Variants in TBX4 observed in about 807,000 individuals in gnomAD.
TBX4 encodes the protein T-box transcription factor TBX4.
TBX4 carries 13 observed loss-of-function variants against 54.6 expected under a neutral mutation model. That is an observed-to-expected ratio of 0.24 (90% CI 0.15 to 0.38). The LOEUF (loss-of-function observed/expected upper bound fraction) is 0.38. TBX4 is among the 10% of genes least tolerant of loss of function. The pLI is 1.00. For synonymous variants in TBX4, 314 were observed against 306.7 expected (o/e 1.02, Z -0.25); for missense variants, 631 against 728.5 (o/e 0.87, Z 1.54).
intron 1 of TBX4, among the ~76,000 whole-genome samples, chr17:61,455,420 G>A (rs2060440030): frequency 1.3e-5 from 2 of 152,262 alleles, no homozygotes; most frequent in Non-Finnish European, 2.9e-5. Flanking sequence ...GAGCAGGGAG[G>A]TGGAAAGGGG....
intron 1 of TBX4, chr17:61,453,103 C>A: frequency 1.5e-6 from 1 of 678,234 alleles, no homozygotes; most frequent in Non-Finnish European, 1.8e-6. Flanking sequence ...GGAATGTGAA[C>A]AATTACCAAA....
chr17:61,457,641 G>A lies in TBX4; in HGVS notation c.281+10G>A. 6.2e-7 allele frequency: 1 copy of A among 1,613,430 alleles called. No homozygotes were observed. Among genetic ancestry groups the A allele is most frequent in the Non-Finnish European group, 8.5e-7 (1 of 1,179,564 alleles). ...TCACTAAGGCTGGCAGGTCAGCGCT[G>A]GGAGATTTACTTCCGGGGATGGCGG... On this transcript the variant is annotated intron_variant, in intron 3 of 8. Coordinates refer to ENST00000644296, the MANE Select transcript of TBX4 (RefSeq NM_001321120.2). The surrounding 1 kb of genome is among the most constrained non-coding windows in gnomAD (Gnocchi z 8.2).
At position 61,483,815 on chromosome 17, in the gene TBX4, G is replaced by A. The variant is rs568457409; in HGVS notation, c.*299G>A. 1 of 423,348 alleles carries A rather than the reference G, an allele frequency of 2.4e-6. No homozygotes were observed. Among genetic ancestry groups the A allele is most frequent in the African/African-American group, 2.0e-5 (1 of 49,318 alleles). 26.2% of individuals were successfully genotyped at this position (423,348 alleles called of 1,614,324 possible). On this transcript the variant is annotated 3_prime_UTR_variant, in exon 9 of 9. Transcript: ENST00000644296. This position sits in a 1 kb window ranked among gnomAD's most constrained non-coding sequence, Gnocchi z 6.6. ...TCTTGACATGCCCGTGGGTGGGATG[G>A]GAGTGGAGGGTTCATATGAGTTATT... is the stretch of plus-strand genomic sequence containing the variant.
rs566824609 is a variant in TBX4 at position 61,457,323 on chromosome 17, G to A, written c.187-214G>A. Among the ~76,000 whole-genome samples the A allele has an allele frequency of 3.9e-4, 60 of 152,318 alleles. No homozygotes were observed. The highest frequency in any genetic ancestry group is 4.1e-4 in the South Asian group (2 of 4,820). ...ATGTGTGTCCTCTGAGGGTTCCTCC[G>A]TAGGTGCAGCTTTAAAGGAGGAAGT... On this transcript the variant is annotated intron_variant, in intron 2 of 8. Transcript: ENST00000644296. The surrounding 1 kb of genome is among the most constrained non-coding windows in gnomAD (Gnocchi z 8.2).
intron 4 of TBX4, among the ~76,000 whole-genome samples, chr17:61,466,360 G>A (rs943999500): frequency 5.3e-5 from 8 of 152,160 alleles, no homozygotes; most frequent in African/African-American, 1.9e-4. Flanking sequence ...CTGTGTGGGG[G>A]CACTCGCCTG....
chr17:61,463,365 GGCT>G (rs1365325560), intron 3 of TBX4: 1 of 152,404 alleles, frequency 6.6e-6, no homozygotes, highest in African/African-American at 2.4e-5. Flanking sequence ...GGGGAGGCGA[GGCT>G]GGGAGGTACT....
At position 61,457,273 on chromosome 17, in the gene TBX4, TGTC is replaced by T. The variant is rs200511481; in HGVS notation, c.187-260_187-258del. On this transcript the variant is annotated intron_variant, in intron 2 of 8. Coordinates refer to ENST00000644296, the MANE Select transcript of TBX4 (RefSeq NM_001321120.2). The surrounding 1 kb of genome is among the most constrained non-coding windows in gnomAD (Gnocchi z 8.2). Reference sequence around the variant, plus strand: ...AGAAATGTTCATGAGTGAGCAGGAGTGTCGTCTAACCTGCGCTGGCCACTATGT... The same window carrying T: ...AGAAATGTTCATGAGTGAGCAGGAGTGTCTAACCTGCGCTGGCCACTATGT... Among the ~76,000 whole-genome samples, 2,337 of 152,076 alleles carry T rather than the reference TGTC, an allele frequency of 0.015. 23 individuals are homozygous for T. The highest frequency in any genetic ancestry group is 0.11 in the Middle Eastern group (33 of 294).
At chr17:61,473,610 A>AC (rs1245690780) in intron 5 of TBX4, among the ~76,000 whole-genome samples, 3 of 151,850 alleles carry the variant, frequency 2.0e-5, no homozygotes, top group Non-Finnish European at 2.9e-5. Flanking sequence ...ATCAGGTCCC[A>AC]CCCTCCCCAG....
Position 61,472,242 on chromosome 17 carries a change from C to A in TBX4, c.549+4585C>A, listed in dbSNP as rs72834688. On this transcript the variant is annotated intron_variant, in intron 5 of 8. Transcript: ENST00000644296. The surrounding 1 kb of genome is among the most constrained non-coding windows in gnomAD (Gnocchi z 4.5). Reference sequence around the variant, plus strand: ...GGATTTGTAACTTTGAAAATATCACCAAATTCCCCTCCATGGGAGCTGTAC... The same window carrying A: ...GGATTTGTAACTTTGAAAATATCACAAAATTCCCCTCCATGGGAGCTGTAC... Among the ~76,000 whole-genome samples the A allele has an allele frequency of 0.018, 2,774 of 152,238 alleles. 35 individuals are homozygous for A. Among genetic ancestry groups the A allele is most frequent in the Non-Finnish European group, 0.03 (2,068 of 68,014 alleles).
At chr17:61,467,740 A>C in intron 5 of TBX4, 83 bp downstream of exon 5, 1 of 1,558,986 alleles carries the variant, frequency 6.4e-7, no homozygotes, top group South Asian at 1.1e-5. Context: ...GGATAGGGAG[A>C]ATCCACTCCG....
chr17:61,473,454 G>A (rs2060595451), intron 5 of TBX4, among the ~76,000 whole-genome samples: 1 of 152,244 alleles, frequency 6.6e-6, no homozygotes. Context: ...AGACAGCAAA[G>A]CCACTTCCCC....
At chr17:61,482,348 G>A (rs1302670799) in intron 8 of TBX4, among the ~76,000 whole-genome samples, 1 of 152,220 alleles carries the variant, frequency 6.6e-6, no homozygotes, top group Non-Finnish European at 1.5e-5. Flanking sequence ...AAATCTGATG[G>A]TTCTTCTTTA....
At chr17:61,471,710 G>A (rs9892832) in intron 5 of TBX4, among the ~76,000 whole-genome samples, 3,132 of 151,980 alleles carry the variant, frequency 0.021, 107 homozygotes, top group African/African-American at 0.071. Flanking sequence ...CCCTTTTGCA[G>A]CTGCACAGAA....
chr17:61,454,539 GA>G (rs753130371), intron 1 of TBX4, among the ~76,000 whole-genome samples: 28 of 152,214 alleles, frequency 1.8e-4, no homozygotes, highest in Non-Finnish European at 3.2e-4. Context: ...GCCGGGCGTG[GA>G]AAAAAGGAAA....
At chr17:61,473,392 G>A (rs551893478) in intron 5 of TBX4, among the ~76,000 whole-genome samples, 11 of 152,358 alleles carry the variant, frequency 7.2e-5, no homozygotes, top group African/African-American at 2.4e-4. Flanking sequence ...GCAAGCCAGC[G>A]GGTGCTGGTG....
chr17:61,483,302 A>G lies in TBX4; in HGVS notation c.1427A>G (p.Asn476Ser). 1 of 1,612,968 alleles carries G rather than the reference A, an allele frequency of 6.2e-7. No individual in the cohort carries two copies. The highest frequency in any genetic ancestry group is 8.5e-7 in the Non-Finnish European group (1 of 1,179,048). Reference protein sequence around the residue: ...PPGNAHFSVYNQLSQSQVRER... With the variant: ...PPGNAHFSVYSQLSQSQVRER... The stretch of plus-strand genomic sequence containing the variant: ...GGAAATGCCCACTTTAGTGTCTACA[A>G]TCAGCTCTCCCAGTCTCAGGTCCGA... The change falls in exon 9 of 9, where the codon AAT (asparagine) becomes AGT (serine). Residue 476 changes from asparagine (N) to serine (S), a missense_variant. Physicochemically the swap from Asn to Ser is conservative, Grantham distance 46. This residue lies in a region of TBX4 where 354 missense variants were observed against 368.9 expected (regional missense o/e 0.96). Transcript: ENST00000644296. The surrounding 1 kb of genome is among the most constrained non-coding windows in gnomAD (Gnocchi z 6.6).
At chr17:61,477,138 G>A (rs1009054529) in intron 5 of TBX4, among the ~76,000 whole-genome samples, 1 of 152,238 alleles carries the variant, frequency 6.6e-6, no homozygotes, top group Non-Finnish European at 1.5e-5. Context: ...GCTCAGAGGG[G>A]AAGGGGACCC....
rs534252758 is a variant in TBX4 at position 61,478,859 on chromosome 17, G to A, written c.702+80G>A. On this transcript the variant is annotated intron_variant, in intron 6 of 8. Transcript: ENST00000644296. The surrounding 1 kb of genome is among the most constrained non-coding windows in gnomAD (Gnocchi z 7.4). Reference sequence around the variant, plus strand: ...CTTCCACCAGGCAGAGAGGCAGAGTGTGAAGCCAGAGTCCCAGCAGGGCTT... The same window carrying A: ...CTTCCACCAGGCAGAGAGGCAGAGTATGAAGCCAGAGTCCCAGCAGGGCTT... 6.2e-7 allele frequency: 1 copy of A among 1,609,988 alleles called. No homozygotes were observed. Among genetic ancestry groups the A allele is most frequent in the East Asian group, 2.2e-5 (1 of 44,842 alleles).
chr17:61,480,172 C>T lies in TBX4; in HGVS notation c.874C>T (p.Pro292Ser), dbSNP rs2060653564. Residue 292 changes from proline (P) to serine (S), a missense_variant, in exon 8 of 9, where the codon CCC (proline) becomes TCC (serine). Pro to Ser is a moderately conservative substitution (Grantham distance 74, BLOSUM62 -1). Transcript: ENST00000644296. The surrounding 1 kb of genome is among the most constrained non-coding windows in gnomAD (Gnocchi z 6.2). ...PQLSATPDVGPLLGTHQALQH... is the reference protein window; with the variant it reads ...PQLSATPDVGSLLGTHQALQH... ...GCTCTCAGCCACACCGGACGTGGGC[C>T]CCCTGCTCGGCACCCACCAGGCACT... The T allele has an allele frequency of 1.9e-6, 3 of 1,614,134 alleles. No homozygotes were observed. The highest frequency in any genetic ancestry group is 1.6e-4 in the Middle Eastern group (1 of 6,062).
Sources: gnomAD v4.1 joint callset for allele counts (sites outside exome capture counted in the v4.1 genomes callset) on GRCh38, gnomAD v4.1.1 for gene constraint, gnomAD v4.1.1 regional missense constraint, Gnocchi (gnomAD v3.1) non-coding constraint, MANE v1.5 for transcripts, NCBI Gene and HGNC (gene_info 2026-07-23, HGNC 2026-07-21) for gene names.